Variants in CACNA1D observed in about 807,000 individuals in gnomAD.
CACNA1D encodes the protein voltage-dependent L-type calcium channel subunit alpha-1D.
CACNA1D carries 55 observed loss-of-function variants against 257.1 expected under a neutral mutation model. That is an observed-to-expected ratio of 0.21 (90% CI 0.17 to 0.27). The LOEUF is 0.27. Ranked by LOEUF, CACNA1D falls within the 10% of genes least tolerant of loss-of-function variation. The pLI is 1.00. For missense variants in CACNA1D, 1,876 were observed against 2,784.0 expected, an observed-to-expected ratio of 0.67 and a Z score of 7.34; for synonymous variants, 980 against 1,014.9, an observed-to-expected ratio of 0.97 and a Z score of 0.65.
At chr3:53,756,084 G>A (rs759701211) in intron 29 of CACNA1D, among the ~76,000 whole-genome samples, 2 of 152,196 alleles carry the variant, frequency 1.3e-5, no homozygotes, top group Admixed American at 1.3e-4. Flanking sequence ...AGCAGGACTC[G>A]TCAGTATCTC....
At chr3:53,563,464 A>C (rs807191) in intron 3 of CACNA1D, among the ~76,000 whole-genome samples, 118,562 of 150,404 alleles carry the variant, frequency 0.79, 47,719 homozygotes, top group African/African-American at 0.94. Context: ...GCAGAGGTTG[A>C]AGTGAGCTGA....
intron 29 of CACNA1D, among the ~76,000 whole-genome samples, chr3:53,756,888 G>C (rs893900585): frequency 2.6e-5 from 4 of 152,214 alleles, no homozygotes; most frequent in Non-Finnish European, 5.9e-5. Context: ...GTTGTTTGCT[G>C]CGGTTACTGG....
chr3:53,640,605 G>C (rs927482521), intron 3 of CACNA1D, among the ~76,000 whole-genome samples: 4 of 152,240 alleles, frequency 2.6e-5, no homozygotes, highest in Non-Finnish European at 5.9e-5. Flanking sequence ...AATGATACGA[G>C]ACAGTGTATC....
chr3:53,700,639 A>G (rs1326322990), intron 8 of CACNA1D, among the ~76,000 whole-genome samples: 1 of 152,162 alleles, frequency 6.6e-6, no homozygotes, highest in African/African-American at 2.4e-5. Context: ...TTGAGACAGC[A>G]GGTGTTCTTT....
intron 9 of CACNA1D, among the ~76,000 whole-genome samples, chr3:53,716,451 G>A (rs1004399437): frequency 6.6e-6 from 1 of 152,166 alleles, no homozygotes; most frequent in Non-Finnish European, 1.5e-5. Flanking sequence ...TCACCTTTCT[G>A]CTGAATCAGA....
At chr3:53,618,356 TG>T (rs1410823954) in intron 3 of CACNA1D, among the ~76,000 whole-genome samples, 3 of 152,210 alleles carry the variant, frequency 2.0e-5, no homozygotes, top group Non-Finnish European at 4.4e-5. Context: ...CTTCAGCTCA[TG>T]GGCAGCCTGG....
At chr3:53,711,600 C>T (rs894761640) in intron 9 of CACNA1D, among the ~76,000 whole-genome samples, 12 of 152,196 alleles carry the variant, frequency 7.9e-5, no homozygotes, top group Non-Finnish European at 1.8e-4. Flanking sequence ...ATTCAGACAG[C>T]AGGGACGTGA....
intron 3 of CACNA1D, among the ~76,000 whole-genome samples, chr3:53,534,971 C>T (rs137975985): frequency 1.0e-3 from 159 of 152,202 alleles, no homozygotes; most frequent in African/African-American, 3.7e-3. Context: ...GTACATCTCT[C>T]TGTATGTCCC....
At chr3:53,741,726 C>T (rs1244169711) in intron 21 of CACNA1D, among the ~76,000 whole-genome samples, 1 of 152,120 alleles carries the variant, frequency 6.6e-6, no homozygotes, top group African/African-American at 2.4e-5. Flanking sequence ...AGAACACTCA[C>T]CGGCTCAGCT....
intron 3 of CACNA1D, among the ~76,000 whole-genome samples, chr3:53,621,833 T>C (rs1348001187): frequency 6.6e-6 from 1 of 152,180 alleles, no homozygotes; most frequent in Admixed American, 6.5e-5. Context: ...TAATAGAAGA[T>C]ATAATGGCCA....
chr3:53,791,344 G>C (rs1029675392), intron 40 of CACNA1D: 2 of 261,598 alleles, frequency 7.6e-6, no homozygotes, highest in Non-Finnish European at 1.4e-5. Flanking sequence ...GAGCAAAGGA[G>C]GGGGGCAGCT....
At chr3:53,574,499 A>G (rs1351654519) in intron 3 of CACNA1D, among the ~76,000 whole-genome samples, 1 of 152,164 alleles carries the variant, frequency 6.6e-6, no homozygotes, top group Non-Finnish European at 1.5e-5. Context: ...GATCAAAACC[A>G]TTGACTATGA....
rs1269979792 is a variant in CACNA1D at position 53,813,709 on chromosome 3, A to G, written c.*2303A>G. The G allele has an allele frequency of 1.3e-5, 2 of 152,220 alleles. No homozygotes were observed. Among genetic ancestry groups the G allele is most frequent in the Admixed American group, 6.5e-5 (1 of 15,282 alleles). 9.4% of individuals were successfully genotyped at this position (152,220 alleles called of 1,614,324 possible). A position where few individuals can be genotyped will look rare whatever the true frequency, so the allele number is the denominator to read the frequency against. On this transcript the variant is annotated 3_prime_UTR_variant, in exon 48 of 48. Transcript: ENST00000350061. ...AGCCTGGTTCAACCTCTCATCGAAT[A>G]TTAAATTTTTCTTTGTAAGAAAAAT...
At chr3:53,802,265 T>C (rs748070185) in intron 43 of CACNA1D, 92 bp downstream of exon 43, 27 of 1,019,410 alleles carry the variant, frequency 2.6e-5, no homozygotes, top group Admixed American at 3.4e-5. Context: ...AAACACTTCT[T>C]TGAGCCAGCC....
intron 8 of CACNA1D, among the ~76,000 whole-genome samples, chr3:53,695,871 C>T (rs1217551657): frequency 6.6e-6 from 1 of 152,184 alleles, no homozygotes; most frequent in Non-Finnish European, 1.5e-5. Flanking sequence ...CTGTCTGTTC[C>T]TCCTTGCCTA....
At chr3:53,533,348 G>A (rs1038013588) in intron 3 of CACNA1D, among the ~76,000 whole-genome samples, 1 of 152,140 alleles carries the variant, frequency 6.6e-6, no homozygotes, top group Non-Finnish European at 1.5e-5. Context: ...GTATGTGGGA[G>A]GAGAGGGCCA....
In CACNA1D at chr3:53,745,617, T is replaced by C. The variant is rs750891599; in HGVS notation, c.3007-7T>C. On this transcript the variant is annotated splice_region_variant and splice_polypyrimidine_tract_variant and intron_variant, in intron 23 of 47. Transcript: ENST00000350061. ...AGAAGAGTCACGCCCCTCTGCCCTC[T>C]CCGCAGCACGTGGTCCAGTGCGTCT... The C allele has an allele frequency of 1.9e-6, 3 of 1,598,322 alleles. No individual in the cohort carries two copies. The highest frequency in any genetic ancestry group is 1.7e-5 in the Admixed American group (1 of 59,992).
intron 9 of CACNA1D, among the ~76,000 whole-genome samples, chr3:53,709,680 G>A (rs2094729099): frequency 1.3e-5 from 2 of 152,152 alleles, no homozygotes; most frequent in South Asian, 4.1e-4. Context: ...GAGTGATCAT[G>A]GAATCATGGG....
chr3:53,551,191 A>G (rs1416065792), intron 3 of CACNA1D, among the ~76,000 whole-genome samples: 1 of 152,214 alleles, frequency 6.6e-6, no homozygotes, highest in African/African-American at 2.4e-5. Flanking sequence ...ATCCCAGAAA[A>G]AAATGTTCTC....
Sources: allele counts gnomAD v4.1 joint callset (sites outside exome capture counted in the v4.1 genomes callset), GRCh38; gene constraint gnomAD v4.1.1; transcripts MANE v1.5; gene names NCBI Gene and HGNC (gene_info 2026-07-23, HGNC 2026-07-21).